LPIN1: variants seen among roughly 807,000 people sequenced by gnomAD.
The protein encoded by LPIN1 is lipin 1.
In LPIN1, 71 loss-of-function variants were observed where a neutral mutation model predicts 107.5. The ratio of observed to expected loss-of-function variants is 0.66; its 90% CI spans 0.55 to 0.80. The LOEUF is 0.80. Ranked by LOEUF, LPIN1 falls within the 30% of genes least tolerant of loss-of-function variation. The pLI is 0.00. For missense variants in LPIN1, 1,043 were observed against 1,160.6 expected (o/e 0.90, Z 1.47); for synonymous variants, 445 against 452.6 (o/e 0.98, Z 0.21).
Position 11,787,074 on chromosome 2 carries a change from A to G in LPIN1, c.1550A>G (p.Asp517Gly), listed in dbSNP as rs1378216409. Reference sequence around the variant, plus strand: ...TGATCCTCTGCAATTGCTGTCACAGATGCATTCCTGGAGCAAGCTGTGTCA... The same window carrying G: ...TGATCCTCTGCAATTGCTGTCACAGGTGCATTCCTGGAGCAAGCTGTGTCA... ...GLSDHREITK[D>G]AFLEQAVSYQ... The change falls in exon 11 of 21, where the codon GAT becomes GGT. Residue 517 changes from aspartate to glycine, a missense_variant and splice_region_variant. Physicochemically the swap from Asp to Gly is moderately conservative, Grantham distance 94 (BLOSUM62 -1). Transcript: ENST00000674199. 5 of 1,608,008 alleles carry G rather than the reference A, an allele frequency of 3.1e-6. No individual in the cohort carries two copies. The highest frequency in any genetic ancestry group is 4.3e-6 in the Non-Finnish European group (5 of 1,174,324).
At chr2:11,798,980 C>T (rs1330771979) in intron 14 of LPIN1, among the ~76,000 whole-genome samples, 1 of 152,092 alleles carries the variant, frequency 6.6e-6, no homozygotes, top group Non-Finnish European at 1.5e-5. Flanking sequence ...GACATGAGCC[C>T]TTTTGTTTTG....
intron 18 of LPIN1, chr2:11,818,255 A>G (rs1311388037): frequency 6.6e-6 from 1 of 152,248 alleles, no homozygotes; most frequent in Non-Finnish European, 1.5e-5. Context: ...CTGTAGAGCA[A>G]TTTAGGAAGA....
intron 20 of LPIN1, among the ~76,000 whole-genome samples, chr2:11,823,866 A>G (rs1044715725): frequency 6.6e-6 from 1 of 152,192 alleles, no homozygotes; most frequent in Non-Finnish European, 1.5e-5. Context: ...ATTCAGCTCC[A>G]CAGACTATAA....
At chr2:11,709,869 A>C (rs1305757389) in intron 1 of LPIN1, among the ~76,000 whole-genome samples, 1 of 152,178 alleles carries the variant, frequency 6.6e-6, no homozygotes, top group African/African-American at 2.4e-5. Context: ...AGAGCTTTGG[A>C]GTCCCACAGA....
In LPIN1 at chr2:11,820,506, C is replaced by T; in HGVS notation, c.2613C>T (p.Asn871=). The T allele has an allele frequency of 6.2e-7, 1 of 1,606,178 alleles. No individual in the cohort carries two copies. Among genetic ancestry groups the T allele is most frequent in the Non-Finnish European group, 8.5e-7 (1 of 1,172,748 alleles). The change falls in exon 20 of 21, where the codon AAC becomes AAT. Residue 871 remains asparagine (N), a synonymous_variant. Transcript: ENST00000674199. The part of the protein sequence containing the change: ...GELVQEHAKT[N]ISSYVRLCEV... Reference sequence around the variant, plus strand: ...TGGTACAGGAACATGCAAAGACCAACATCTCTTCGTGAGTATTGTACACAT... The same window carrying T: ...TGGTACAGGAACATGCAAAGACCAATATCTCTTCGTGAGTATTGTACACAT...
intron 1 of LPIN1, among the ~76,000 whole-genome samples, chr2:11,708,124 C>T (rs1470803290): frequency 2.0e-5 from 3 of 152,124 alleles, no homozygotes; most frequent in Non-Finnish European, 4.4e-5. Flanking sequence ...GAGAAGGAAA[C>T]TAGGCCCTAA....
At chr2:11,739,474 GA>G (rs1276456492) in intron 1 of LPIN1, among the ~76,000 whole-genome samples, 1 of 152,240 alleles carries the variant, frequency 6.6e-6, no homozygotes, top group African/African-American at 2.4e-5. Context: ...AGACTGGGAA[GA>G]CCCCCTAAAA....
intron 1 of LPIN1, among the ~76,000 whole-genome samples, chr2:11,705,999 T>C (rs1012137691): frequency 5.9e-5 from 9 of 152,126 alleles, no homozygotes; most frequent in Non-Finnish European, 1.3e-4. Context: ...TCTCGCAAGA[T>C]CTGATGGTTT....
At chr2:11,769,866 A>T (rs1022104676) in intron 3 of LPIN1, among the ~76,000 whole-genome samples, 3 of 152,188 alleles carry the variant, frequency 2.0e-5, no homozygotes, top group Admixed American at 6.5e-5. Context: ...ACGGTTCTTT[A>T]TAGCTCCAGG....
intron 1 of LPIN1, among the ~76,000 whole-genome samples, chr2:11,700,910 C>G (rs973043272): frequency 2.6e-5 from 4 of 152,184 alleles, no homozygotes; most frequent in African/African-American, 9.7e-5. Context: ...GCAACCAAGA[C>G]TTGGGTCCTT....
rs1216389983 is a variant in LPIN1 at position 11,804,272 on chromosome 2, G to A, written c.2014-151G>A. The A allele has an allele frequency of 4.8e-6, 4 of 831,036 alleles. No individual in the cohort carries two copies. The African/African-American group carries it at 5.1e-5, about 11-fold the overall frequency. The allele number at this position is 831,036 out of a possible 1,614,324, so 51.5% of individuals were successfully genotyped here. ...CAGCCCCGGAAAGAACCAGAACAAG[G>A]AAGGGTGGGGAAAGAAAGAATTATA... On this transcript the variant is annotated intron_variant, in intron 15 of 20. Transcript: ENST00000674199.
chr2:11,783,992 C>A, intron 9 of LPIN1, 70 bp downstream of exon 9: 1 of 1,610,240 alleles, frequency 6.2e-7, no homozygotes, highest in Middle Eastern at 1.7e-4. Context: ...GACCAGTTTC[C>A]CCTTATGTTT....
At chr2:11,716,588 G>A (rs1347199515) in intron 2 of LPIN1, among the ~76,000 whole-genome samples, 1 of 152,000 alleles carries the variant, frequency 6.6e-6, no homozygotes, top group Non-Finnish European at 1.5e-5. Context: ...AGGGGAGGGG[G>A]TAGTGGGATC....
rs112258287 is a variant in LPIN1, at chr2:11,686,252, G to A, written c.81+8524G>A. 5.2e-3 allele frequency among the ~76,000 whole-genome samples: 787 copies of A among 152,068 alleles called. 2 individuals are homozygous for A. The highest frequency in any genetic ancestry group is 7.5e-3 in the Non-Finnish European group (513 of 67,978). ...CTTCATCAATGTGCTGAGGATCCCC[G>A]ACCCCGCTTTTGGCACTTATCATGT... On this transcript the variant is annotated intron_variant, in intron 1 of 21. Transcript: ENST00000449576.
At chr2:11,811,240 T>C (rs369577095) in intron 17 of LPIN1, among the ~76,000 whole-genome samples, 33 of 152,224 alleles carry the variant, frequency 2.2e-4, no homozygotes, top group East Asian at 7.7e-4. Context: ...AGCCTGTGGG[T>C]TGAGCAGGGA....
At chr2:11,693,792 A>ATATATATG (rs1338435998) in intron 1 of LPIN1, among the ~76,000 whole-genome samples, 272 of 21,094 alleles carry the variant, frequency 0.013, 12 homozygotes, top group African/African-American at 0.045. Flanking sequence ...GAGTGTGTAT[A>ATATATATG]TATATATATA....
intron 1 of LPIN1, chr2:11,677,837 G>A (rs1016277211): frequency 2.2e-5 from 21 of 967,328 alleles, no homozygotes; most frequent in South Asian, 7.5e-5. Context: ...CGCCCAGAGC[G>A]CCTTGTTCGG....
chr2:11,760,425 A>G (rs780699094), intron 1 of LPIN1, among the ~76,000 whole-genome samples: 5 of 152,250 alleles, frequency 3.3e-5, no homozygotes, highest in Admixed American at 6.5e-5. Context: ...TCCATCTGCA[A>G]TCCCGGCACC....
intron 6 of LPIN1, among the ~76,000 whole-genome samples, chr2:11,778,149 C>T (rs1404859514): frequency 6.7e-6 from 1 of 148,566 alleles, no homozygotes; most frequent in Non-Finnish European, 1.5e-5. Context: ...GGGGGGCCCA[C>T]GTGCCTTCTT....
Sources: allele counts gnomAD v4.1 joint callset (sites outside exome capture counted in the v4.1 genomes callset), GRCh38; gene constraint gnomAD v4.1.1; transcripts MANE v1.5; gene names NCBI Gene and HGNC (gene_info 2026-07-23, HGNC 2026-07-21).